Variants in ZEB1 observed in about 807,000 individuals in gnomAD.
The protein encoded by ZEB1 is zinc finger E-box-binding homeobox 1.
ZEB1 carries 21 observed loss-of-function variants against 84.9 expected under a neutral mutation model. That is an observed-to-expected ratio of 0.25 (90% CI 0.18 to 0.36). The LOEUF is 0.36. Among genes scored for constraint, ZEB1 ranks in the 10% least tolerant of loss-of-function variants. ZEB1 has a pLI of 1.00. For missense variants in ZEB1, 1,104 were observed against 1,330.2 expected (o/e 0.83, Z 2.65); for synonymous variants, 420 against 471.1 (o/e 0.89, Z 1.41).
chr10:31,340,959 G>T (rs1435587212), intron 1 of ZEB1, among the ~76,000 whole-genome samples: 1 of 152,116 alleles, frequency 6.6e-6, no homozygotes, highest in African/African-American at 2.4e-5. Context: ...CATACAAGCA[G>T]ATCTCTGTTG....
chr10:31,522,205 GT>G (rs2072561244), intron 7 of ZEB1, among the ~76,000 whole-genome samples: 1 of 152,278 alleles, frequency 6.6e-6, no homozygotes, highest in Non-Finnish European at 1.5e-5. Context: ...CCTGTTTGAA[GT>G]TAGAAATCAA....
intron 1 of ZEB1, among the ~76,000 whole-genome samples, chr10:31,450,814 T>G (rs1433956555): frequency 6.6e-6 from 1 of 152,208 alleles, no homozygotes; most frequent in Non-Finnish European, 1.5e-5. Context: ...TAATGTTTGC[T>G]TCATTCTTTT....
At chr10:31,319,420 A>G in intron 1 of ZEB1, 128 bp downstream of exon 1, 1 of 879,716 alleles carries the variant, frequency 1.1e-6, no homozygotes, top group South Asian at 1.5e-5. Flanking sequence ...TGGAGTGGGA[A>G]AGTAGAAAGT....
intron 1 of ZEB1, among the ~76,000 whole-genome samples, chr10:31,441,247 A>C (rs2058937919): frequency 1.3e-5 from 2 of 152,212 alleles, no homozygotes; most frequent in Admixed American, 6.5e-5. Context: ...CTCAGAAATA[A>C]TGCCACACAT....
chr10:31,331,440 A>G (rs1053404922), intron 1 of ZEB1, among the ~76,000 whole-genome samples: 4 of 152,190 alleles, frequency 2.6e-5, no homozygotes, highest in African/African-American at 4.8e-5. Context: ...TGAAATTGAG[A>G]AAATAATTCC....
intron 2 of ZEB1, among the ~76,000 whole-genome samples, chr10:31,475,116 C>T (rs892342342): frequency 1.6e-4 from 24 of 151,338 alleles, no homozygotes; most frequent in Middle Eastern, 6.9e-3. Flanking sequence ...TGCTAGATGA[C>T]GAGTTAGTGG....
intron 1 of ZEB1, among the ~76,000 whole-genome samples, chr10:31,374,336 C>T (rs1261619346): frequency 6.6e-6 from 1 of 151,778 alleles, no homozygotes; most frequent in Non-Finnish European, 1.5e-5. Flanking sequence ...GCACCCAGCA[C>T]AGCATCTGTC....
intron 1 of ZEB1, among the ~76,000 whole-genome samples, chr10:31,413,366 G>A (rs965978395): frequency 6.6e-6 from 1 of 152,136 alleles, no homozygotes; most frequent in Non-Finnish European, 1.5e-5. Context: ...TTAGCCTAGG[G>A]AAACTTTTCA....
chr10:31,480,370 C>T (rs986325687), intron 2 of ZEB1, among the ~76,000 whole-genome samples: 1 of 152,000 alleles, frequency 6.6e-6, no homozygotes, highest in Non-Finnish European at 1.5e-5. Context: ...CAGTCACTAT[C>T]TAAGCCTTGA....
chr10:31,352,670 C>T (rs1175434091), intron 1 of ZEB1, among the ~76,000 whole-genome samples: 1 of 152,132 alleles, frequency 6.6e-6, no homozygotes, highest in East Asian at 1.9e-4. Flanking sequence ...GGTGCCTCAG[C>T]TCTCCTTAAG....
intron 2 of ZEB1, among the ~76,000 whole-genome samples, chr10:31,483,697 A>G (rs2065357612): frequency 1.3e-5 from 2 of 152,020 alleles, no homozygotes; most frequent in African/African-American, 2.4e-5. Context: ...CTGCAGGGCA[A>G]TCTTATCTGT....
At position 31,400,286 on chromosome 10, in the gene ZEB1, G is replaced by A. The variant is rs1387193865; in HGVS notation, c.59-60751G>A. Among the ~76,000 whole-genome samples the A allele has an allele frequency of 1.3e-5, 2 of 152,124 alleles. 1 individual carries two copies. Among genetic ancestry groups the A allele is most frequent in the Non-Finnish European group, 2.9e-5 (2 of 68,014 alleles). Reference sequence around the variant, plus strand: ...TTAATATTGATGAATTAATAAATAAGTGGAATTTAAAAATAGCCAACACAA... The same window carrying A: ...TTAATATTGATGAATTAATAAATAAATGGAATTTAAAAATAGCCAACACAA... On this transcript the variant is annotated intron_variant, in intron 1 of 8. Transcript: ENST00000424869.
chr10:31,374,712 T>G (rs2046299021), intron 1 of ZEB1: 1 of 151,846 alleles, frequency 6.6e-6, no homozygotes, highest in South Asian at 2.1e-4. Context: ...TTAAAGTTAA[T>G]TCTATTAATA....
intron 1 of ZEB1, chr10:31,320,611 TAAAA>T (rs748774628): frequency 6.6e-6 from 1 of 150,672 alleles, no homozygotes; most frequent in Non-Finnish European, 1.5e-5. Flanking sequence ...GCGTGAGAGT[TAAAA>T]AAAAAGAGAG....
At chr10:31,353,507 T>G (rs930853210) in intron 1 of ZEB1, among the ~76,000 whole-genome samples, 9 of 152,230 alleles carry the variant, frequency 5.9e-5, no homozygotes, top group African/African-American at 2.2e-4. Flanking sequence ...CTGTTCTACC[T>G]TCTATTTTGC....
chr10:31,527,178 A>G lies in ZEB1; in HGVS notation c.3292A>G (p.Arg1098Gly). The change falls in exon 9 of 9, where the codon AGG (arginine) becomes GGG (glycine). Residue 1098 changes from arginine (R) to glycine (G), a missense_variant. Around this residue, in one of 7 missense-constraint regions of ZEB1, gnomAD observed 173 missense variants for 167.0 expected, o/e 1.04. Transcript: ENST00000424869. ...AACTGAAGGTCTGATGAAGGATGAC[A>G]GGGCTGAAAGTCAAGCAAGCAGCTT... The part of the protein sequence containing the change: ...AKTEGLMKDD[R>G]AESQASSLGQ... The G allele has an allele frequency of 6.2e-7, 1 of 1,611,526 alleles. No homozygotes were observed. Among genetic ancestry groups the G allele is most frequent in the Non-Finnish European group, 8.5e-7 (1 of 1,178,712 alleles).
At chr10:31,469,149 T>G (rs1244738526) in intron 2 of ZEB1, among the ~76,000 whole-genome samples, 1 of 152,212 alleles carries the variant, frequency 6.6e-6, no homozygotes, top group Admixed American at 6.5e-5. Context: ...AACAATAGAC[T>G]AGACAAACCA....
At chr10:31,444,518 G>C (rs2059499161) in intron 1 of ZEB1, among the ~76,000 whole-genome samples, 1 of 151,166 alleles carries the variant, frequency 6.6e-6, no homozygotes, top group Non-Finnish European at 1.5e-5. Flanking sequence ...TAATGCCTAG[G>C]TTTTCTTCTA....
chr10:31,443,802 C>G (rs941428430), intron 1 of ZEB1, among the ~76,000 whole-genome samples: 1 of 150,520 alleles, frequency 6.6e-6, no homozygotes, highest in African/African-American at 2.5e-5. Context: ...TTTCTTAATC[C>G]AGTCTATCAT....
Sources: allele counts gnomAD v4.1 joint callset (sites outside exome capture counted in the v4.1 genomes callset), GRCh38; gene constraint gnomAD v4.1.1; regional missense constraint gnomAD v4.1.1; transcripts MANE v1.5; gene names NCBI Gene and HGNC (gene_info 2026-07-23, HGNC 2026-07-21).